Variants in ROBO2 observed in about 807,000 individuals in gnomAD.
ROBO2 encodes roundabout guidance receptor 2.
ROBO2 carries 53 observed loss-of-function variants against 160.8 expected under a neutral mutation model. That is an observed-to-expected ratio of 0.33 (90% CI 0.26 to 0.41). The LOEUF (loss-of-function observed/expected upper bound fraction) is 0.41. ROBO2 is among the 10% of genes least tolerant of loss of function. The pLI is 1.00. For synonymous variants in ROBO2, 664 were observed against 611.7 expected, an observed-to-expected ratio of 1.09 and a Z score of -1.26; for missense variants, 1,577 against 1,722.4, an observed-to-expected ratio of 0.92 and a Z score of 1.49.
chr3:77,173,272 A>T (rs1218582586), intron 2 of ROBO2, among the ~76,000 whole-genome samples: 1 of 152,176 alleles, frequency 6.6e-6, no homozygotes, highest in Non-Finnish European at 1.5e-5. Flanking sequence ...TTTGATTTGA[A>T]AAAAGAGACA....
At chr3:77,565,844 A>G (rs992136319) in intron 12 of ROBO2, among the ~76,000 whole-genome samples, 3 of 152,094 alleles carry the variant, frequency 2.0e-5, no homozygotes, top group African/African-American at 4.8e-5. Flanking sequence ...AAGATTTCAT[A>G]ATTTTATCCT....
chr3:76,847,206 G>A (rs2068856048), intron 2 of ROBO2, among the ~76,000 whole-genome samples: 1 of 152,088 alleles, frequency 6.6e-6, no homozygotes, highest in Non-Finnish European at 1.5e-5. Context: ...GGAAAAAAGT[G>A]AACATTAAAA....
intron 2 of ROBO2, among the ~76,000 whole-genome samples, chr3:77,329,146 T>A (rs965582358): frequency 1.3e-5 from 2 of 152,212 alleles, no homozygotes; most frequent in African/African-American, 4.8e-5. Context: ...TTGATATCGA[T>A]GTAGTCTTTC....
chr3:77,570,336 G>A (rs1378701153), intron 13 of ROBO2, among the ~76,000 whole-genome samples: 1 of 151,874 alleles, frequency 6.6e-6, no homozygotes, highest in Non-Finnish European at 1.5e-5. Flanking sequence ...TTCCAGGAGG[G>A]GGACGTTGTC....
intron 2 of ROBO2, among the ~76,000 whole-genome samples, chr3:76,103,859 G>A (rs987986675): frequency 6.6e-6 from 1 of 152,198 alleles, no homozygotes; most frequent in Non-Finnish European, 1.5e-5. Context: ...TGGTGGGGCT[G>A]CTGCTGTTGA....
At chr3:76,723,232 A>G (rs372264058) in intron 2 of ROBO2, among the ~76,000 whole-genome samples, 3 of 152,314 alleles carry the variant, frequency 2.0e-5, no homozygotes, top group East Asian at 3.9e-4. Context: ...TTTTCGAAAT[A>G]AAATATGCTA....
rs574862127 is a variant in ROBO2 at position 76,955,923 on chromosome 3, T to A, written c.110-142091T>A. 6.3e-4 allele frequency among the ~76,000 whole-genome samples: 96 copies of A among 151,854 alleles called. 1 individual carries two copies. Among genetic ancestry groups the A allele is most frequent in the South Asian group, 3.3e-3 (16 of 4,804 alleles). ...AAAAAAAGAAAGAAAGAAACACATT[T>A]ACTTCCATCTTAAATACATTTTAAA... On this transcript the variant is annotated intron_variant, in intron 2 of 26. Coordinates refer to the ROBO2 transcript ENST00000487694.
chr3:77,349,501 TA>T (rs2068065884), intron 2 of ROBO2, among the ~76,000 whole-genome samples: 1 of 152,202 alleles, frequency 6.6e-6, no homozygotes, highest in African/African-American at 2.4e-5. Context: ...AATCGACGTG[TA>T]ATGAGTCACT....
intron 2 of ROBO2, among the ~76,000 whole-genome samples, chr3:76,876,862 T>C (rs1390092963): frequency 2.0e-5 from 3 of 152,178 alleles, no homozygotes; most frequent in Non-Finnish European, 4.4e-5. Flanking sequence ...AATTAGAAAG[T>C]GTTAGCACTT....
chr3:76,857,246 A>G (rs1424084728), intron 2 of ROBO2, among the ~76,000 whole-genome samples: 4 of 152,146 alleles, frequency 2.6e-5, no homozygotes, highest in African/African-American at 9.7e-5. Flanking sequence ...CGGCCTCCCA[A>G]AGTGCTGGGA....
chr3:76,161,387 T>A (rs1486322147), intron 2 of ROBO2, among the ~76,000 whole-genome samples: 2 of 152,184 alleles, frequency 1.3e-5, no homozygotes, highest in African/African-American at 4.8e-5. Context: ...GTTGAACATT[T>A]ATATATGGAT....
intron 2 of ROBO2, among the ~76,000 whole-genome samples, chr3:77,355,894 A>G (rs2069046204): frequency 1.3e-5 from 2 of 151,624 alleles, no homozygotes; most frequent in Non-Finnish European, 2.9e-5. Flanking sequence ...CTGTATAATG[A>G]GCAGCTATCA....
intron 2 of ROBO2, among the ~76,000 whole-genome samples, chr3:77,279,894 A>G (rs1291881581): frequency 3.3e-5 from 5 of 152,166 alleles, no homozygotes; most frequent in African/African-American, 1.2e-4. Context: ...ACACACAGAC[A>G]TTACATTATT....
At chr3:76,465,715 A>G (rs1209837593) in intron 2 of ROBO2, among the ~76,000 whole-genome samples, 1 of 151,954 alleles carries the variant, frequency 6.6e-6, no homozygotes, top group East Asian at 1.9e-4. Context: ...TCTGTATGCT[A>G]TCATATTTTT....
chr3:77,282,630 A>C (rs1242866985), intron 2 of ROBO2, among the ~76,000 whole-genome samples: 4 of 152,256 alleles, frequency 2.6e-5, no homozygotes, highest in Non-Finnish European at 5.9e-5. Flanking sequence ...ATACTTGATA[A>C]AATGTAAGTT....
At chr3:77,480,901 A>G (rs144916088) in intron 3 of ROBO2, among the ~76,000 whole-genome samples, 198 bp from the exon 4 acceptor site, 3 of 152,304 alleles carry the variant, frequency 2.0e-5, no homozygotes, top group South Asian at 2.1e-4. Flanking sequence ...AATATTTTCT[A>G]TGAAGAAAGT....
At chr3:76,058,787 T>G (rs1340124107) in intron 2 of ROBO2, among the ~76,000 whole-genome samples, 2 of 134,018 alleles carry the variant, frequency 1.5e-5, no homozygotes, top group East Asian at 4.5e-4. Flanking sequence ...CTCCTAATGC[T>G]ATCCCTCCCC....
At chr3:77,339,789 CA>C (rs2066872038) in intron 2 of ROBO2, among the ~76,000 whole-genome samples, 2 of 151,894 alleles carry the variant, frequency 1.3e-5, no homozygotes, top group Non-Finnish European at 2.9e-5. Context: ...GAGTGGCTAG[CA>C]AAAAACATGC....
intron 2 of ROBO2, among the ~76,000 whole-genome samples, chr3:76,141,650 T>A (rs2071674786): frequency 6.6e-6 from 1 of 151,938 alleles, no homozygotes; most frequent in Non-Finnish European, 1.5e-5. Context: ...TAGTATGTGC[T>A]AGATATTTAG....
Sources: gnomAD v4.1 joint callset for allele counts (sites outside exome capture counted in the v4.1 genomes callset) on GRCh38, gnomAD v4.1.1 for gene constraint, MANE v1.5 for transcripts, NCBI Gene and HGNC (gene_info 2026-07-23, HGNC 2026-07-21) for gene names.